The following DIAPH2 variants were observed in gnomAD, a reference collection of about 807,000 sequenced individuals.
The protein encoded by DIAPH2 is protein diaphanous homolog 2.
A neutral mutation model predicts 92.7 loss-of-function variants in DIAPH2; 35 were observed. The ratio of observed to expected loss-of-function variants is 0.38; its 90% CI spans 0.29 to 0.50. The LOEUF is 0.50. DIAPH2 is among the 20% of genes least tolerant of loss of function. The pLI, the probability that DIAPH2 is intolerant of heterozygous loss-of-function variation, is 0.94. For synonymous variants in DIAPH2, 301 were observed against 280.4 expected (o/e 1.07, Z -0.73); for missense variants, 701 against 819.5 (o/e 0.86, Z 1.77).
intron 26 of DIAPH2, among the ~76,000 whole-genome samples, chrX:97,482,928 G>A (rs866645149): frequency 1.3e-4 from 15 of 111,206 alleles, no homozygotes; most frequent in South Asian, 3.8e-4. Context: ...TCTGGGGTGG[G>A]GGGAGTAGAA....
At chrX:97,561,558 A>G (rs2071294380) in intron 26 of DIAPH2, among the ~76,000 whole-genome samples, 2 of 112,529 alleles carry the variant, frequency 1.8e-5, no homozygotes, top group African/African-American at 6.5e-5. Flanking sequence ...CACTAATCAC[A>G]ATGCTAAGTG....
chrX:97,407,782 T>C (rs1024122121), intron 25 of DIAPH2, among the ~76,000 whole-genome samples: 3 of 112,171 alleles, frequency 2.7e-5, no homozygotes, highest in African/African-American at 9.7e-5. Flanking sequence ...AGTAACTAGA[T>C]GGCAACATAG....
intron 22 of DIAPH2, among the ~76,000 whole-genome samples, chrX:97,208,179 C>T (rs7888720): frequency 0.058 from 6,469 of 111,567 alleles, 501 homozygotes; most frequent in African/African-American, 0.2. Flanking sequence ...GAAATGAAAA[C>T]GTTCTAGTGT....
At chrX:96,848,941 G>T (rs1295342223) in intron 4 of DIAPH2, among the ~76,000 whole-genome samples, 1 of 111,527 alleles carries the variant, frequency 9.0e-6, no homozygotes, top group African/African-American at 3.3e-5. Context: ...GGGGATCAAG[G>T]TGAGTCAGAG....
chrX:97,023,455 A>G (rs2066311342), intron 17 of DIAPH2, among the ~76,000 whole-genome samples: 1 of 111,672 alleles, frequency 9.0e-6, no homozygotes, highest in Admixed American at 9.5e-5. Context: ...CAGTAACCCA[A>G]TGAAAACTAA....
chrX:97,504,304 T>C (rs2070818263), intron 26 of DIAPH2, among the ~76,000 whole-genome samples: 1 of 112,234 alleles, frequency 8.9e-6, no homozygotes, highest in African/African-American at 3.2e-5. Flanking sequence ...TTTTCTTTGT[T>C]AGGCTTTTTG....
Position 96,735,573 on chromosome X carries a change from ATT to A in DIAPH2, c.133-181_133-180del, listed in dbSNP as rs763392327. ...ATATATACACCTTTGCCAAACCTTC[ATT>A]TTTAATCATTAAAAAGATTTTTTTC... On this transcript the variant is annotated intron_variant, in intron 1 of 26. Coordinates refer to ENST00000324765, the MANE Select transcript of DIAPH2 (RefSeq NM_006729.5). Among the ~76,000 whole-genome samples the A allele has an allele frequency of 7.8e-3, 876 of 111,906 alleles. 7 individuals carry two copies. The highest frequency in any genetic ancestry group is 0.027 in the African/African-American group (848 of 30,914).
At chrX:97,549,117 A>G (rs2071201797) in intron 26 of DIAPH2, among the ~76,000 whole-genome samples, 1 of 112,201 alleles carries the variant, frequency 8.9e-6, no homozygotes, top group African/African-American at 3.2e-5. Context: ...CTTTTTATTT[A>G]ATTTATTTCC....
chrX:96,727,157 C>A (rs545984949), intron 1 of DIAPH2, among the ~76,000 whole-genome samples: 1 of 111,735 alleles, frequency 8.9e-6, no homozygotes, highest in South Asian at 3.8e-4. Flanking sequence ...AATGTGTTAC[C>A]CCAGATCCTG....
chrX:96,709,481 G>A (rs2063905774), intron 1 of DIAPH2, among the ~76,000 whole-genome samples: 1 of 111,911 alleles, frequency 8.9e-6, no homozygotes, highest in Admixed American at 9.5e-5. Context: ...CTTTGCAGGT[G>A]TCTCCAGTTT....
intron 3 of DIAPH2, among the ~76,000 whole-genome samples, chrX:96,753,186 G>A (rs906382099): frequency 1.8e-5 from 2 of 111,841 alleles, no homozygotes; most frequent in Non-Finnish European, 3.8e-5. Flanking sequence ...CTACTTGGAG[G>A]TTGCGGATTG....
chrX:97,184,372 C>T (rs1047757588), intron 22 of DIAPH2, among the ~76,000 whole-genome samples: 14 of 111,844 alleles, frequency 1.3e-4, no homozygotes, highest in African/African-American at 2.3e-4. Flanking sequence ...TATGTATGTA[C>T]GTGTAGATAC....
intron 21 of DIAPH2, among the ~76,000 whole-genome samples, chrX:97,133,035 A>G (rs948142652): frequency 8.9e-6 from 1 of 111,738 alleles, no homozygotes; most frequent in Admixed American, 9.5e-5. Flanking sequence ...TACTCTAGAG[A>G]TTTGAACTTT....
intron 23 of DIAPH2, among the ~76,000 whole-genome samples, chrX:97,299,026 A>T (rs2068671885): frequency 9.0e-6 from 1 of 111,728 alleles, no homozygotes; most frequent in Admixed American, 9.6e-5. Context: ...TTTGAGGCAG[A>T]ATAGAAAAGG....
rs143985136 is a variant in DIAPH2, at chrX:97,392,203, G to A, written c.3145+8159G>A. Among the ~76,000 whole-genome samples the A allele has an allele frequency of 1.9e-3, 214 of 111,514 alleles. 1 individual carries two copies. The highest frequency in any genetic ancestry group is 6.7e-3 in the African/African-American group (205 of 30,732). On this transcript the variant is annotated intron_variant, in intron 25 of 26. Coordinates refer to ENST00000324765, the MANE Select transcript of DIAPH2 (RefSeq NM_006729.5). ...CTCAGTTACCTCATGTGTAATATAG[G>A]ATAATGACATTCACCTCTTATAGTT...
At chrX:97,165,896 T>C (rs1331223070) in intron 22 of DIAPH2, among the ~76,000 whole-genome samples, 1 of 110,780 alleles carries the variant, frequency 9.0e-6, no homozygotes, top group Admixed American at 9.6e-5. Flanking sequence ...TCCCGTCTTC[T>C]CTACTCTCTC....
At position 96,982,349 on chromosome X, in the gene DIAPH2, G is replaced by T. The variant is rs1449228500; in HGVS notation, c.2050+17142G>T. Among the ~76,000 whole-genome samples, 3 of 112,189 alleles carry T rather than the reference G, an allele frequency of 2.7e-5. No homozygotes were observed. The Admixed American group carries it at 2.8e-4, about 11-fold the overall frequency. ...TTCAAATGGCAAGTACAACTACTGT[G>T]AATTAACAATAGTTCCTCCGTTAGA... On this transcript the variant is annotated intron_variant, in intron 17 of 26. Transcript: ENST00000324765.
rs2069176385 is a variant in DIAPH2, at chrX:97,348,270, C to T, written c.2999C>T (p.Thr1000Ile). The T allele has an allele frequency of 8.3e-7, 1 of 1,201,601 alleles. No individual in the cohort carries two copies. Among genetic ancestry groups the T allele is most frequent in the Non-Finnish European group, 1.1e-6 (1 of 891,640 alleles). ...EFFGDLNNFR[T>I]LFLEAVRENN... is the part of the protein sequence containing the mutation. ...TTTGGTGATCTCAACAACTTCCGAA[C>T]TTTGTTTTTGGTAAGTAATACATCT... Residue 1000 changes from threonine to isoleucine, a missense_variant, in exon 24 of 27, where the codon ACT (threonine) becomes ATT (isoleucine). Thr to Ile is a moderately conservative substitution (Grantham distance 89). Coordinates refer to ENST00000324765, the MANE Select transcript of DIAPH2 (RefSeq NM_006729.5).
chrX:96,904,353 T>C, intron 5 of DIAPH2, among the ~76,000 whole-genome samples: 1 of 112,035 alleles, frequency 8.9e-6, no homozygotes, highest in African/African-American at 3.2e-5. Context: ...TGGTCAGAGA[T>C]ATCTCATGGA....
Sources: gnomAD v4.1 joint callset for allele counts (sites outside exome capture counted in the v4.1 genomes callset) on GRCh38, gnomAD v4.1.1 for gene constraint, MANE v1.5 for transcripts, NCBI Gene and HGNC (gene_info 2026-07-23, HGNC 2026-07-21) for gene names.